ANKH: variants seen among roughly 807,000 people sequenced by gnomAD.
ANKH encodes the protein ANKH inorganic pyrophosphate transport regulator, also known as mineralization regulator ANKH.
In ANKH, 15 loss-of-function variants were observed where a neutral mutation model predicts 49.0. The observed-to-expected ratio is 0.31, with a 90% CI of 0.20 to 0.47. ANKH has a LOEUF of 0.47. Among genes scored for constraint, ANKH ranks in the 20% least tolerant of loss-of-function variants. The probability of loss-of-function intolerance (pLI) is 1.00; values close to 1 mark genes in which losing one functional copy is unlikely to be tolerated. For missense variants in ANKH, 429 were observed against 652.0 expected (o/e 0.66, Z 3.72); for synonymous variants, 273 against 260.0 (o/e 1.05, Z -0.48).
intron 1 of ANKH, among the ~76,000 whole-genome samples, chr5:14,821,723 T>A (rs1741201496): frequency 1.3e-5 from 2 of 152,240 alleles, no homozygotes; most frequent in Admixed American, 1.3e-4. Flanking sequence ...ACTGTGACTA[T>A]AACTGGAGTC....
At chr5:14,790,710 C>T (rs1477256363) in intron 1 of ANKH, among the ~76,000 whole-genome samples, 5 of 152,286 alleles carry the variant, frequency 3.3e-5, no homozygotes, top group East Asian at 1.9e-4. Context: ...GGGGTTCGAG[C>T]GATTCTCTTG....
Position 14,706,738 on chromosome 5 carries a change from G to T in ANKH, c.*4459C>A, listed in dbSNP as rs1424958232. ...TGTTTTAAGTGTGATTAGATCAGTT[G>T]ATGAGTCACATGATGTTTTTTGCTG... On this transcript the variant is annotated 3_prime_UTR_variant, in exon 12 of 12. Transcript: ENST00000284268. The T allele has an allele frequency of 6.6e-6, 1 of 152,200 alleles. No homozygotes were observed. The highest frequency in any genetic ancestry group is 1.5e-5 in the Non-Finnish European group (1 of 68,042). The allele number at this position is 152,200 out of a possible 1,614,324, so 9.4% of individuals were successfully genotyped here. A position where few individuals can be genotyped will look rare whatever the true frequency, so the allele number is the denominator to read the frequency against.
At chr5:14,741,352 G>T in intron 8 of ANKH, 1 of 195,318 alleles carries the variant, frequency 5.1e-6, no homozygotes, top group Non-Finnish European at 1.1e-5. Context: ...AGACAGATGG[G>T]CCTGGGATCC....
intron 8 of ANKH, among the ~76,000 whole-genome samples, chr5:14,732,428 C>A (rs868229148): frequency 1.3e-4 from 20 of 151,966 alleles, no homozygotes; most frequent in Admixed American, 8.5e-4. Flanking sequence ...AAACAACACC[C>A]CCCACCACCA....
At chr5:14,761,030 G>A (rs562122337) in intron 2 of ANKH, among the ~76,000 whole-genome samples, 12 of 152,226 alleles carry the variant, frequency 7.9e-5, no homozygotes, top group African/African-American at 2.6e-4. Context: ...CTTATAAAAC[G>A]GATATTCAGA....
chr5:14,849,976 A>G (rs1403830009), intron 1 of ANKH, among the ~76,000 whole-genome samples: 1 of 152,102 alleles, frequency 6.6e-6, no homozygotes. Flanking sequence ...ACCTGCTCCT[A>G]ACCAGCACCG....
At chr5:14,794,592 TAATTTGGA>T (rs1394295137) in intron 1 of ANKH, among the ~76,000 whole-genome samples, 1 of 152,270 alleles carries the variant, frequency 6.6e-6, no homozygotes, top group Non-Finnish European at 1.5e-5. Flanking sequence ...CTAACTGCTC[TAATTTGGA>T]AATGTGCTGT....
rs145185611 is a variant in ANKH at position 14,777,661 on chromosome 5, T to C, written c.97-8470A>G. 4.3e-4 allele frequency among the ~76,000 whole-genome samples: 66 copies of C among 152,314 alleles called. No individual in the cohort carries two copies. The East Asian group carries it at 7.5e-3, about 17-fold the overall frequency. On this transcript the variant is annotated intron_variant, in intron 1 of 11. Coordinates refer to ENST00000284268, the MANE Select transcript of ANKH (RefSeq NM_054027.6). ...CACCCCAATCCTGCCAGTCATTTTA[T>C]GCTAATGCTAGCAACAAGCATTCCT... is the stretch of plus-strand genomic sequence containing the variant.
At chr5:14,716,334 AAT>A (rs1395435913) in intron 9 of ANKH, among the ~76,000 whole-genome samples, 1 of 152,168 alleles carries the variant, frequency 6.6e-6, no homozygotes, top group African/African-American at 2.4e-5. Context: ...CTCTACTAAA[AAT>A]ACAAAAATTA....
At chr5:14,806,486 T>C (rs576762483) in intron 1 of ANKH, among the ~76,000 whole-genome samples, 1 of 152,058 alleles carries the variant, frequency 6.6e-6, no homozygotes, top group East Asian at 1.9e-4. Flanking sequence ...CTCTGATGAG[T>C]GTTTGCTATT....
intron 1 of ANKH, among the ~76,000 whole-genome samples, chr5:14,828,141 T>G (rs895142252): frequency 6.6e-6 from 1 of 152,124 alleles, no homozygotes; most frequent in Non-Finnish European, 1.5e-5. Context: ...CACCACATGA[T>G]GAGGAGTGTG....
rs60487783 is a variant in ANKH, at chr5:14,843,549, G to GAAAAAAAA, written c.96+27795_96+27802dup. The stretch of plus-strand genomic sequence containing the variant: ...CCCAAACAACTATCAGGGGATTAGC[G>GAAAAAAAA]AAAAAAAAAAAAAAAAAAAAGAGCC... On this transcript the variant is annotated intron_variant, in intron 1 of 11. Coordinates refer to ENST00000284268, the MANE Select transcript of ANKH (RefSeq NM_054027.6). Among the ~76,000 whole-genome samples, 33 of 61,006 alleles carry GAAAAAAAA rather than the reference G, an allele frequency of 5.4e-4. 1 individual carries two copies. Among genetic ancestry groups the GAAAAAAAA allele is most frequent in the East Asian group, 2.9e-3 (5 of 1,754 alleles). 40.0% of individuals were successfully genotyped at this position (61,006 alleles called of 152,430 possible).
Position 14,776,824 on chromosome 5 carries a change from G to T in ANKH, c.97-7633C>A, listed in dbSNP as rs1181957135. ...ACATTCATGGGGTTTTCAAAGTAAA[G>T]ACACTTTAGATTAGAGCCAGATTTA... On this transcript the variant is annotated intron_variant, in intron 1 of 11. Coordinates refer to ENST00000284268, the MANE Select transcript of ANKH (RefSeq NM_054027.6). Among the ~76,000 whole-genome samples the T allele has an allele frequency of 5.3e-5, 8 of 152,302 alleles. 1 individual carries two copies. In the South Asian group the frequency reaches 1.7e-3, roughly 32 times the overall value.
intron 1 of ANKH, among the ~76,000 whole-genome samples, chr5:14,839,506 G>C (rs1022240276): frequency 8.6e-6 from 1 of 116,680 alleles, no homozygotes; most frequent in Admixed American, 8.9e-5. Flanking sequence ...AGTCTTATCA[G>C]TTAAAAAAAA....
At chr5:14,723,280 G>C (rs1318049450) in intron 8 of ANKH, among the ~76,000 whole-genome samples, 1 of 151,848 alleles carries the variant, frequency 6.6e-6, no homozygotes, top group Non-Finnish European at 1.5e-5. Flanking sequence ...AAAGTAATGT[G>C]AGTGAGGGTG....
intron 1 of ANKH, among the ~76,000 whole-genome samples, chr5:14,779,717 C>T (rs1228889339): frequency 1.3e-5 from 2 of 152,180 alleles, no homozygotes; most frequent in Non-Finnish European, 2.9e-5. Context: ...AATCTATGAA[C>T]TTAAAATATG....
At chr5:14,711,334 TG>T (rs1737193913) in intron 11 of ANKH, 24 bp from the exon 12 acceptor site, 1 of 1,599,714 alleles carries the variant, frequency 6.3e-7, no homozygotes, top group African/African-American at 1.3e-5. Context: ...GACTCATCAG[TG>T]TGGGGCTGTG....
chr5:14,753,366 C>T (rs1738781136), intron 4 of ANKH, among the ~76,000 whole-genome samples: 1 of 152,110 alleles, frequency 6.6e-6, no homozygotes, highest in Admixed American at 6.5e-5. Context: ...AAGCACCGCG[C>T]AATTGGAGGA....
intron 11 of ANKH, among the ~76,000 whole-genome samples, chr5:14,712,417 A>G (rs1388641111): frequency 6.6e-6 from 1 of 152,236 alleles, no homozygotes; most frequent in East Asian, 1.9e-4. Flanking sequence ...GCCCTTGCGC[A>G]AGCTCTCGGA....
Sources: gnomAD v4.1 joint callset for allele counts (sites outside exome capture counted in the v4.1 genomes callset) on GRCh38, gnomAD v4.1.1 for gene constraint, MANE v1.5 for transcripts, NCBI Gene and HGNC (gene_info 2026-07-23, HGNC 2026-07-21) for gene names.